The following CYP2C18 variants were observed in gnomAD, a reference collection of about 807,000 sequenced individuals.
CYP2C18 encodes the protein cytochrome P450 2C18.
Under a neutral mutation model 41.3 loss-of-function variants are expected in CYP2C18, and 38 were observed. The observed-to-expected ratio is 0.92, with a 90% confidence interval of 0.71 to 1.21. The LOEUF (loss-of-function observed/expected upper bound fraction) is 1.21, where lower values mean the gene tolerates loss of function less well. Among genes scored for constraint, CYP2C18 ranks in the 50% most tolerant of loss-of-function variants. The pLI is 0.00. For synonymous variants in CYP2C18, 236 were observed against 210.0 expected (o/e 1.12, Z -1.07); for missense variants, 635 against 591.4 (o/e 1.07, Z -0.77).
chr10:94,718,365 G>C (rs78036013), intron 5 of CYP2C18, among the ~76,000 whole-genome samples: 3,851 of 152,136 alleles, frequency 0.025, 150 homozygotes, highest in African/African-American at 0.075. Context: ...AAGGTTTTCT[G>C]TATGTAAGAT....
chr10:94,723,885 A>C (rs990100988), intron 6 of CYP2C18, among the ~76,000 whole-genome samples: 1 of 152,294 alleles, frequency 6.6e-6, no homozygotes, highest in East Asian at 1.9e-4. Flanking sequence ...GAGTGTGAGG[A>C]TGAGAGAGAA....
chr10:94,685,048 AT>A (rs1165902118), intron 1 of CYP2C18, among the ~76,000 whole-genome samples: 1 of 151,874 alleles, frequency 6.6e-6, no homozygotes, highest in Non-Finnish European at 1.5e-5. Context: ...TAATTAATTA[AT>A]TAATAGAGAC....
At chr10:94,705,656 T>G (rs1007748215) in intron 4 of CYP2C18, among the ~76,000 whole-genome samples, 3 of 152,198 alleles carry the variant, frequency 2.0e-5, no homozygotes, top group Non-Finnish European at 4.4e-5. Flanking sequence ...GTTTGAATTT[T>G]TGGGTGTTTT....
intron 7 of CYP2C18, chr10:94,728,740 T>A: frequency 1.1e-5 from 2 of 174,158 alleles, no homozygotes; most frequent in Non-Finnish European, 2.1e-5. Flanking sequence ...TTCTCCTCAC[T>A]TTTTTTTTTT....
intron 4 of CYP2C18, among the ~76,000 whole-genome samples, chr10:94,704,542 AAAGG>A (rs1343136733): frequency 1.3e-5 from 2 of 152,032 alleles, no homozygotes; most frequent in Admixed American, 6.6e-5. Context: ...GGAAGTAAGG[AAAGG>A]AAGGAAGGAG....
At chr10:94,702,734 A>T (rs556418849) in intron 4 of CYP2C18, among the ~76,000 whole-genome samples, 1 of 152,022 alleles carries the variant, frequency 6.6e-6, no homozygotes, top group Non-Finnish European at 1.5e-5. Context: ...TACTTCTGTC[A>T]GTTTGTCAAA....
chr10:94,725,772 C>T, intron 7 of CYP2C18, among the ~76,000 whole-genome samples: 1 of 151,922 alleles, frequency 6.6e-6, no homozygotes, highest in East Asian at 1.9e-4. Flanking sequence ...AAAATACACA[C>T]AAATGTGCAC....
At chr10:94,714,699 T>C (rs1440593064) in intron 5 of CYP2C18, among the ~76,000 whole-genome samples, 1 of 152,222 alleles carries the variant, frequency 6.6e-6, no homozygotes, top group Non-Finnish European at 1.5e-5. Context: ...AAGTAGTTTT[T>C]TCCAATTCTG....
chr10:94,716,059 T>C (rs540361073), intron 5 of CYP2C18, among the ~76,000 whole-genome samples: 1 of 152,180 alleles, frequency 6.6e-6, no homozygotes, highest in African/African-American at 2.4e-5. Flanking sequence ...TTGCATCTAT[T>C]TGATTTTTCT....
intron 5 of CYP2C18, among the ~76,000 whole-genome samples, chr10:94,712,105 C>T (rs943570656): frequency 3.3e-5 from 5 of 149,366 alleles, no homozygotes; most frequent in African/African-American, 1.2e-4. Context: ...ATCTTGGCCT[C>T]CCAAAGTGCT....
At chr10:94,721,562 T>G (rs1156942440) in intron 6 of CYP2C18, among the ~76,000 whole-genome samples, 1 of 152,118 alleles carries the variant, frequency 6.6e-6, no homozygotes, top group African/African-American at 2.4e-5. Context: ...TTCACCTGAA[T>G]AGTGTACATT....
chr10:94,706,841 G>A lies in CYP2C18; in HGVS notation c.700G>A (p.Ala234Thr), dbSNP rs942190166. The A allele has an allele frequency of 6.3e-5, 101 of 1,608,148 alleles. No individual in the cohort carries two copies. The highest frequency in any genetic ancestry group is 7.8e-5 in the Non-Finnish European group (92 of 1,175,376). ...TCTCCCAGGAAGTCATAATAAAATA[G>A]CTGAAAATTTTGCTTACATTAAAAG... ...DYLPGSHNKI[A>T]ENFAYIKSYV... is the part of the protein sequence containing the mutation. The change falls in exon 5 of 9, where the codon GCT becomes ACT. Residue 234 changes from alanine (A) to threonine (T), a missense_variant. By Grantham distance (58) the Ala-to-Thr change is moderately conservative (BLOSUM62 0). Transcript: ENST00000285979.
intron 5 of CYP2C18, among the ~76,000 whole-genome samples, chr10:94,715,363 G>A (rs1374914675): frequency 6.6e-6 from 1 of 152,022 alleles, no homozygotes; most frequent in Non-Finnish European, 1.5e-5. Context: ...CATCAATACC[G>A]AATTTATTGA....
At position 94,724,478 on chromosome 10, in the gene CYP2C18, A is replaced by G. The variant is rs144917969; in HGVS notation, c.1094A>G (p.Asn365Ser). Residue 365 changes from asparagine (N) to serine (S), a missense_variant, in exon 7 of 9, where the codon AAC becomes AGC. Transcript: ENST00000285979. ...IQRYIDLLPT[N>S]LPHAVTCDVK... is the part of the protein sequence containing the mutation. ...AGATACATTGACCTCCTCCCCACCA[A>G]CCTGCCCCATGCAGTGACCTGTGAT... 3.1e-6 allele frequency: 5 copies of G among 1,613,440 alleles called. No individual in the cohort carries two copies. In the African/African-American group the frequency reaches 5.3e-5, roughly 17 times the overall value.
At chr10:94,693,442 T>G (rs1006118752) in intron 3 of CYP2C18, among the ~76,000 whole-genome samples, 5 of 152,202 alleles carry the variant, frequency 3.3e-5, no homozygotes, top group Admixed American at 3.3e-4. Flanking sequence ...AAACCTCTTT[T>G]CTTATAAATT....
intron 5 of CYP2C18, among the ~76,000 whole-genome samples, chr10:94,717,371 G>T (rs1847569028): frequency 1.3e-5 from 2 of 152,120 alleles, no homozygotes; most frequent in Admixed American, 1.3e-4. Flanking sequence ...TTGTAGGGCA[G>T]GCATGGTGGT....
chr10:94,720,722 G>A (rs1365583600), intron 6 of CYP2C18, among the ~76,000 whole-genome samples, 185 bp downstream of exon 6: 3 of 152,068 alleles, frequency 2.0e-5, no homozygotes, highest in Non-Finnish European at 4.4e-5. Flanking sequence ...TAGGGAAGAG[G>A]GACTGAGAGA....
At chr10:94,715,429 A>G (rs184634201) in intron 5 of CYP2C18, among the ~76,000 whole-genome samples, 2 of 152,266 alleles carry the variant, frequency 1.3e-5, no homozygotes, top group East Asian at 1.9e-4. Flanking sequence ...TGCATGTAGT[A>G]TTGAGATAAT....
At chr10:94,721,809 A>G (rs1467608925) in intron 6 of CYP2C18, among the ~76,000 whole-genome samples, 1 of 152,044 alleles carries the variant, frequency 6.6e-6, no homozygotes, top group Non-Finnish European at 1.5e-5. Flanking sequence ...TACATGGCTG[A>G]GTAGTAGTGC....
Sources: allele counts gnomAD v4.1 joint callset (sites outside exome capture counted in the v4.1 genomes callset), GRCh38; gene constraint gnomAD v4.1.1; transcripts MANE v1.5; gene names NCBI Gene and HGNC (gene_info 2026-07-23, HGNC 2026-07-21).